Variants in TMEM26 observed in about 807,000 individuals in gnomAD.
The protein encoded by TMEM26 is transmembrane protein 26.
Under a neutral mutation model 28.8 loss-of-function variants are expected in TMEM26, and 38 were observed. The observed-to-expected ratio is 1.32, with a 90% confidence interval of 1.02 to 1.73. The LOEUF is 1.73. Among genes scored for constraint, TMEM26 ranks in the 40% most tolerant of loss-of-function variants. The pLI is 0.00. For missense variants in TMEM26, 518 were observed against 447.1 expected, an observed-to-expected ratio of 1.16 and a Z score of -1.43; for synonymous variants, 227 against 182.9, an observed-to-expected ratio of 1.24 and a Z score of -1.95.
At chr10:61,426,065 A>G (rs150200231) in intron 4 of TMEM26, among the ~76,000 whole-genome samples, 2 of 152,286 alleles carry the variant, frequency 1.3e-5, no homozygotes, top group African/African-American at 4.8e-5. Context: ...GAATGGATAA[A>G]CAAAATGTGG....
In TMEM26 at chr10:61,453,283, A is replaced by T. The variant is rs1589050744; in HGVS notation, c.-202T>A. 1.7e-6 allele frequency: 1 copy of T among 590,666 alleles called. No homozygotes were observed. The highest frequency in any genetic ancestry group is 2.8e-5 in the East Asian group (1 of 35,254). The allele number at this position is 590,666 out of a possible 1,614,324, so 36.6% of individuals were successfully genotyped here. On this transcript the variant is annotated 5_prime_UTR_variant, in exon 1 of 6. It adds an upstream start codon to the 5' untranslated region. Coordinates refer to ENST00000399298, the MANE Select transcript of TMEM26 (RefSeq NM_178505.8). Reference sequence around the variant, plus strand: ...CCCCAAACTTCCTGAGAACTCTTCAAAGAGGGGTGAGTCCAAACCCAGCTT... The same window carrying T: ...CCCCAAACTTCCTGAGAACTCTTCATAGAGGGGTGAGTCCAAACCCAGCTT...
Position 61,410,774 on chromosome 10 carries a change from A to C in TMEM26, c.683-28T>G, listed in dbSNP as rs551601264. The C allele has an allele frequency of 5.4e-5, 87 of 1,604,980 alleles. 2 individuals carry two copies. In the South Asian group the frequency reaches 9.2e-4, roughly 17 times the overall value. ...GAAAACACAAGACAGACTAGTTACT[A>C]TCTCTCTTGGAAGTGTAGACATATA... On this transcript the variant is annotated intron_variant, in intron 5 of 5. Coordinates refer to ENST00000399298, the MANE Select transcript of TMEM26 (RefSeq NM_178505.8).
At chr10:61,439,888 A>C (rs1459744994) in intron 1 of TMEM26, among the ~76,000 whole-genome samples, 1 of 152,138 alleles carries the variant, frequency 6.6e-6, no homozygotes, top group African/African-American at 2.4e-5. Context: ...CAATTAGGAG[A>C]CTGTTTCTTT....
rs1041293208 is a variant in TMEM26, at chr10:61,408,484, T to A, written c.*1838A>T. 2.0e-5 allele frequency: 3 copies of A among 152,236 alleles called. No homozygotes were observed. The highest frequency in any genetic ancestry group is 4.4e-5 in the Non-Finnish European group (3 of 68,046). The allele number at this position is 152,236 out of a possible 1,614,324, so 9.4% of individuals were successfully genotyped here. A position where few individuals can be genotyped will look rare whatever the true frequency, so the allele number is the denominator to read the frequency against. ...AAATTAAAACATGAAAAGTATGCCA[T>A]GAGCAAATCTGCAATAATAAGCAGC... is the stretch of plus-strand genomic sequence containing the variant. On this transcript the variant is annotated 3_prime_UTR_variant, in exon 6 of 6. Coordinates refer to ENST00000399298, the MANE Select transcript of TMEM26 (RefSeq NM_178505.8).
chr10:61,421,229 G>A (rs1029680881), intron 4 of TMEM26, among the ~76,000 whole-genome samples: 1 of 151,658 alleles, frequency 6.6e-6, no homozygotes, highest in African/African-American at 2.4e-5. Flanking sequence ...AAATTAACAA[G>A]AAATTGACTT....
intron 4 of TMEM26, among the ~76,000 whole-genome samples, chr10:61,427,949 G>A (rs541259285): frequency 2.0e-5 from 3 of 152,084 alleles, no homozygotes; most frequent in Admixed American, 6.6e-5. Flanking sequence ...AATTTAGATT[G>A]GATTTTTAAA....
In TMEM26 at chr10:61,409,323, A is replaced by T. The variant is rs1258495823; in HGVS notation, c.*999T>A. On this transcript the variant is annotated 3_prime_UTR_variant, in exon 6 of 6. Transcript: ENST00000399298. The stretch of plus-strand genomic sequence containing the variant: ...AACAAGGGCTGTTGGCCATGGGTGG[A>T]GCTGATGCAACCCTCCATCACCATG... 1 of 152,168 alleles carries T rather than the reference A, an allele frequency of 6.6e-6. No homozygotes were observed. 9.4% of individuals were successfully genotyped at this position (152,168 alleles called of 1,614,324 possible).
chr10:61,407,026 G>A lies in TMEM26; in HGVS notation c.*3296C>T, dbSNP rs376991492. The A allele has an allele frequency of 1.3e-5, 2 of 151,628 alleles. No individual in the cohort carries two copies. The highest frequency in any genetic ancestry group is 6.6e-5 in the Admixed American group (1 of 15,214). The allele number at this position is 151,628 out of a possible 1,614,324, so 9.4% of individuals were successfully genotyped here. On this transcript the variant is annotated 3_prime_UTR_variant, in exon 6 of 6. Transcript: ENST00000399298. ...CAAGACTGTTTGGTGTTTCATTTGC[G>A]TCTCTGTAGTATACGTCACCATCCC...
chr10:61,436,316 A>T, intron 1 of TMEM26, 68 bp from the exon 2 acceptor site: 4 of 1,013,446 alleles, frequency 3.9e-6, no homozygotes, highest in Non-Finnish European at 5.8e-6. Context: ...AAAAATTAAG[A>T]GGAAGAATGA....
intron 2 of TMEM26, among the ~76,000 whole-genome samples, chr10:61,434,906 C>A (rs563665451): frequency 1.5e-4 from 23 of 152,252 alleles, no homozygotes; most frequent in Middle Eastern, 3.4e-3. Flanking sequence ...CTATGTAAGT[C>A]CAAATTCTCG....
intron 4 of TMEM26, among the ~76,000 whole-genome samples, chr10:61,423,044 A>G (rs989603303): frequency 5.9e-5 from 9 of 152,176 alleles, no homozygotes; most frequent in African/African-American, 1.7e-4. Context: ...ACAGAAATTA[A>G]CACATGTATA....
intron 4 of TMEM26, among the ~76,000 whole-genome samples, chr10:61,415,310 T>C (rs1274056837): frequency 6.6e-6 from 1 of 152,106 alleles, no homozygotes; most frequent in Non-Finnish European, 1.5e-5. Flanking sequence ...CATAGGTTGC[T>C]TCACAAGAAA....
At chr10:61,422,957 A>G (rs971249521) in intron 4 of TMEM26, among the ~76,000 whole-genome samples, 1 of 152,084 alleles carries the variant, frequency 6.6e-6, no homozygotes, top group African/African-American at 2.4e-5. Context: ...CTCTCCCCTC[A>G]CTGCCTAAAA....
intron 1 of TMEM26, among the ~76,000 whole-genome samples, chr10:61,439,153 C>T (rs1054633905): frequency 1.3e-5 from 2 of 152,208 alleles, no homozygotes; most frequent in Admixed American, 6.5e-5. Context: ...TCTTGCACGT[C>T]TATCCACCAA....
In TMEM26 at chr10:61,431,267, T is replaced by C. The variant is rs760901933; in HGVS notation, c.336A>G (p.Thr112=). The change falls in exon 3 of 6, where the codon ACA becomes ACG. Residue 112 remains threonine (T), a synonymous_variant. Coordinates refer to ENST00000399298, the MANE Select transcript of TMEM26 (RefSeq NM_178505.8). ...NTSRKEDFNQ[T]LTSNEQTSRA... is the part of the protein sequence containing the mutation. Reference sequence around the variant, plus strand: ...TACTGGTTTGTTCATTGGATGTCAATGTTTGATTGAAGTCTTCTTTTCTGC... The same window carrying C: ...TACTGGTTTGTTCATTGGATGTCAACGTTTGATTGAAGTCTTCTTTTCTGC... 261 of 1,613,116 alleles carry C rather than the reference T, an allele frequency of 1.6e-4. No homozygotes were observed. The highest frequency in any genetic ancestry group is 2.1e-4 in the Non-Finnish European group (250 of 1,179,360).
intron 4 of TMEM26, chr10:61,414,062 A>T: frequency 2.0e-6 from 2 of 986,446 alleles, no homozygotes; most frequent in Non-Finnish European, 2.4e-6. Flanking sequence ...TATACCAGAT[A>T]GTAGGACATA....
chr10:61,434,348 G>T (rs1839969158), intron 2 of TMEM26, among the ~76,000 whole-genome samples: 1 of 152,236 alleles, frequency 6.6e-6, no homozygotes, highest in East Asian at 1.9e-4. Flanking sequence ...ACTTTTGGTT[G>T]CACGTTATTT....
intron 4 of TMEM26, 88 bp from the exon 5 acceptor site, chr10:61,413,623 C>A: frequency 7.1e-7 from 1 of 1,400,386 alleles, no homozygotes; most frequent in Non-Finnish European, 9.3e-7. Context: ...TAGTATATTC[C>A]TAATAAACCT....
At chr10:61,437,071 G>A (rs1564480878) in intron 1 of TMEM26, among the ~76,000 whole-genome samples, 1 of 152,194 alleles carries the variant, frequency 6.6e-6, no homozygotes, top group Non-Finnish European at 1.5e-5. Context: ...GAGGCTGGGG[G>A]TCTGAGATTA....
Sources: allele counts gnomAD v4.1 joint callset (sites outside exome capture counted in the v4.1 genomes callset), GRCh38; gene constraint gnomAD v4.1.1; transcripts MANE v1.5; gene names NCBI Gene and HGNC (gene_info 2026-07-23, HGNC 2026-07-21).